The following SASH1 variants were observed in gnomAD, a reference collection of about 807,000 sequenced individuals.
SASH1 encodes the protein SAM and SH3 domain containing 1.
A neutral mutation model predicts 125.2 loss-of-function variants in SASH1; 44 were observed. The ratio of observed to expected loss-of-function variants is 0.35; its 90% CI spans 0.28 to 0.45. The LOEUF is 0.45. Ranked by LOEUF, SASH1 falls within the 20% of genes least tolerant of loss-of-function variation. The probability of loss-of-function intolerance (pLI) is 1.00; values close to 1 mark genes in which losing one functional copy is unlikely to be tolerated. For synonymous variants in SASH1, 639 were observed against 649.1 expected (o/e 0.98, Z 0.24); for missense variants, 1,426 against 1,614.5 (o/e 0.88, Z 2.00).
chr6:148,315,176 TC>T (rs1216320831), intron 1 of SASH1, among the ~76,000 whole-genome samples: 1 of 152,214 alleles, frequency 6.6e-6, no homozygotes, highest in African/African-American at 2.4e-5. Context: ...ACAACCATGA[TC>T]ATATATTGAC....
chr6:148,455,527 C>T (rs564289477), intron 4 of SASH1, among the ~76,000 whole-genome samples: 42 of 152,098 alleles, frequency 2.8e-4, no homozygotes, highest in African/African-American at 9.4e-4. Flanking sequence ...GTGAAATCAG[C>T]GAGTGGAGTG....
chr6:148,439,828 C>T (rs1226555783), intron 2 of SASH1, among the ~76,000 whole-genome samples: 1 of 151,778 alleles, frequency 6.6e-6, no homozygotes, highest in Non-Finnish European at 1.5e-5. Flanking sequence ...AACAGCTAAA[C>T]TCAAATGGGT....
At chr6:148,379,891 C>G in intron 1 of SASH1, 1 of 456,502 alleles carries the variant, frequency 2.2e-6, no homozygotes, top group Non-Finnish European at 4.4e-6. Context: ...CTTGTTCCAT[C>G]TATATCTGCA....
intron 1 of SASH1, among the ~76,000 whole-genome samples, chr6:148,302,335 A>AC (rs1488334435): frequency 4.2e-4 from 53 of 126,202 alleles, no homozygotes; most frequent in Non-Finnish European, 7.7e-4. Flanking sequence ...AAAAAAAAAA[A>AC]AAAAAACTAG....
intron 8 of SASH1, among the ~76,000 whole-genome samples, chr6:148,504,532 T>A (rs1198122176): frequency 6.6e-6 from 1 of 151,980 alleles, no homozygotes; most frequent in East Asian, 1.9e-4. Flanking sequence ...GCAGTGGCCT[T>A]CCCTCACAAA....
chr6:148,203,846 A>G, the SASH1 span, among the ~76,000 whole-genome samples: 1 of 152,190 alleles, frequency 6.6e-6, no homozygotes, highest in Non-Finnish European at 1.5e-5. Context: ...TAATATCACA[A>G]AAGCTCACTT....
intron 2 of SASH1, among the ~76,000 whole-genome samples, chr6:148,437,503 G>A (rs1776340880): frequency 6.6e-6 from 1 of 152,174 alleles, no homozygotes; most frequent in Non-Finnish European, 1.5e-5. Context: ...AACATTGCCT[G>A]TCTCCATGAT....
chr6:148,318,505 A>T (rs2114564873), intron 1 of SASH1, among the ~76,000 whole-genome samples: 1 of 151,338 alleles, frequency 6.6e-6, no homozygotes, highest in East Asian at 1.9e-4. Flanking sequence ...GCCATAGAAC[A>T]TTGGCAGCTT....
At chr6:148,275,275 C>T (rs1000377138) in intron 1 of SASH1, among the ~76,000 whole-genome samples, 1 of 152,184 alleles carries the variant, frequency 6.6e-6, no homozygotes. Flanking sequence ...AGAATTCATT[C>T]TTGGCCCTGG....
At chr6:148,460,460 T>TATAC (rs1777563313) in intron 4 of SASH1, among the ~76,000 whole-genome samples, 1 of 152,212 alleles carries the variant, frequency 6.6e-6, no homozygotes, top group Non-Finnish European at 1.5e-5. Context: ...AAAGATTAGA[T>TATAC]GGTATTACTG....
chr6:148,339,233 G>A (rs1014613447), upstream of SASH1, among the ~76,000 whole-genome samples: 7 of 151,888 alleles, frequency 4.6e-5, no homozygotes, highest in East Asian at 1.9e-4. Flanking sequence ...TAGTAGAGAC[G>A]AGGTTTCACC....
rs572410519 is a variant in SASH1 at position 148,519,979 on chromosome 6, G to A, written c.1209+86G>A. 4 of 883,364 alleles carry A rather than the reference G, an allele frequency of 4.5e-6. No individual in the cohort carries two copies. The highest frequency in any genetic ancestry group is 3.5e-5 in the South Asian group (2 of 56,958). The allele number at this position is 883,364 out of a possible 1,614,324, so 54.7% of individuals were successfully genotyped here. A position where few individuals can be genotyped will look rare whatever the true frequency, so the allele number is the denominator to read the frequency against. ...TCCCTGGAGGAGTTTCAGAGTGTCC[G>A]GAAGCAAATCCGCTTGAAGAAAACG... On this transcript the variant is annotated intron_variant, in intron 10 of 19. Transcript: ENST00000367467. The surrounding 1 kb of genome is among the most constrained non-coding windows in gnomAD (Gnocchi z 4.8).
At chr6:148,376,820 G>A (rs1220356973) in intron 1 of SASH1, among the ~76,000 whole-genome samples, 1 of 152,016 alleles carries the variant, frequency 6.6e-6, no homozygotes, top group Non-Finnish European at 1.5e-5. Flanking sequence ...GTGAACGGTG[G>A]TTGCAGCACT....
intron 2 of SASH1, among the ~76,000 whole-genome samples, chr6:148,405,727 C>G (rs1293100208): frequency 1.3e-5 from 2 of 152,176 alleles, no homozygotes; most frequent in Admixed American, 6.5e-5. Context: ...CTCACTCTTT[C>G]CCTCTGTGGA....
chr6:148,499,014 G>A (rs1469849522), intron 8 of SASH1, among the ~76,000 whole-genome samples: 1 of 150,238 alleles, frequency 6.7e-6, no homozygotes, highest in African/African-American at 2.4e-5. Flanking sequence ...GAGTCCATTT[G>A]AATGTTGTCA....
At chr6:148,376,824 C>T (rs1291361509) in intron 1 of SASH1, among the ~76,000 whole-genome samples, 5 of 151,944 alleles carry the variant, frequency 3.3e-5, no homozygotes, top group Admixed American at 2.0e-4. Context: ...ACGGTGGTTG[C>T]AGCACTGCAT....
chr6:148,310,079 T>C (rs796302084), intron 1 of SASH1, among the ~76,000 whole-genome samples: 25 of 152,284 alleles, frequency 1.6e-4, no homozygotes, highest in African/African-American at 6.0e-4. Flanking sequence ...CCCAGCGCTT[T>C]GGGAAGCCGA....
At chr6:148,336,643 A>T (rs752339294) in intron 1 of SASH1, among the ~76,000 whole-genome samples, 23 of 152,242 alleles carry the variant, frequency 1.5e-4, no homozygotes, top group Non-Finnish European at 2.2e-4. Flanking sequence ...TATAAGACAG[A>T]AACAGAGGTA....
chr6:148,282,460 C>A (rs1779367333), intron 1 of SASH1, among the ~76,000 whole-genome samples: 1 of 152,062 alleles, frequency 6.6e-6, no homozygotes. Flanking sequence ...TGGCTCACTG[C>A]AACCTCTGCC....
Sources: allele counts gnomAD v4.1 joint callset (sites outside exome capture counted in the v4.1 genomes callset), GRCh38; gene constraint gnomAD v4.1.1; non-coding constraint Gnocchi (gnomAD v3.1); transcripts MANE v1.5; gene names NCBI Gene and HGNC (gene_info 2026-07-23, HGNC 2026-07-21).